Variants in RGPD8 observed in about 807,000 individuals in gnomAD.
The protein encoded by RGPD8 is RANBP2 like and GRIP domain containing 8, also known as RANBP2-like and GRIP domain-containing protein 8.
RGPD8 carries 15 observed loss-of-function variants against 89.1 expected under a neutral mutation model. The observed-to-expected ratio is 0.17, with a 90% CI of 0.11 to 0.26. The LOEUF (loss-of-function observed/expected upper bound fraction) is 0.26, where lower values mean the gene tolerates loss of function less well. Ranked by LOEUF, RGPD8 falls within the 10% of genes least tolerant of loss-of-function variation. The pLI is 1.00. For missense variants in RGPD8, 178 were observed against 1,179.6 expected, an observed-to-expected ratio of 0.15 and a Z score of 12.44; for synonymous variants, 62 against 420.9, an observed-to-expected ratio of 0.15 and a Z score of 10.44.
At chr2:112,431,517 A>C (rs1287935739) in intron 1 of RGPD8, among the ~76,000 whole-genome samples, 2 of 152,214 alleles carry the variant, frequency 1.3e-5, no homozygotes, top group Non-Finnish European at 2.9e-5. Flanking sequence ...CAAGTATCTT[A>C]AATCTCTACA....
intron 1 of RGPD8, among the ~76,000 whole-genome samples, chr2:112,430,826 G>A (rs1432157816): frequency 3.3e-5 from 5 of 151,930 alleles, no homozygotes; most frequent in Admixed American, 6.6e-5. Flanking sequence ...GCATGGTGGC[G>A]CATGCCTGTA....
In RGPD8 at chr2:112,413,673, C is replaced by T. The variant is rs1679271899; in HGVS notation, c.783-1047G>A. On this transcript the variant is annotated intron_variant, in intron 6 of 22. Transcript: ENST00000302558. ...CCAAAAAAAATTTATATATTACATA[C>T]TCATTTTCTCATGTATGTAGAGCTG... Among the ~76,000 whole-genome samples, 3 of 135,564 alleles carry T rather than the reference C, an allele frequency of 2.2e-5. 1 individual carries two copies. Among genetic ancestry groups the T allele is most frequent in the Admixed American group, 2.2e-4 (3 of 13,848 alleles). 88.9% of individuals were successfully genotyped at this position (135,564 alleles called of 152,430 possible).
intron 21 of RGPD8, among the ~76,000 whole-genome samples, chr2:112,379,604 ACAAG>A (rs1678212874): frequency 1.7e-5 from 2 of 117,298 alleles, no homozygotes; most frequent in South Asian, 3.3e-4. Flanking sequence ...AAAAAAAAAA[ACAAG>A]AAAATATAAC....
intron 1 of RGPD8, chr2:112,432,744 C>A: frequency 1.0e-6 from 1 of 985,288 alleles, no homozygotes; most frequent in Non-Finnish European, 1.2e-6. Context: ...CCAGGGCGAG[C>A]CCACGAGCGA....
At chr2:112,429,368 A>T (rs547222459) in intron 1 of RGPD8, among the ~76,000 whole-genome samples, 1 of 137,886 alleles carries the variant, frequency 7.3e-6, no homozygotes, top group African/African-American at 2.6e-5. Flanking sequence ...GTGAGCCGAG[A>T]TCGCGACACT....
rs376130503 is a variant in RGPD8 at position 112,377,322 on chromosome 2, G to A, written c.5263+731C>T. Among the ~76,000 whole-genome samples, 152 of 93,794 alleles carry A rather than the reference G, an allele frequency of 1.6e-3. 2 individuals are homozygous for A. The East Asian group carries it at 0.017, about 11-fold the overall frequency. 61.5% of individuals were successfully genotyped at this position (93,794 alleles called of 152,430 possible). A position where few individuals can be genotyped will look rare whatever the true frequency, so the allele number is the denominator to read the frequency against. The stretch of plus-strand genomic sequence containing the variant: ...TTTTGAGATGGAGTCTCGCTCTGCC[G>A]TCAGGCTGGAGTACAGTGGCGTGAC... On this transcript the variant is annotated intron_variant, in intron 22 of 22. Coordinates refer to ENST00000302558, the MANE Select transcript of RGPD8 (RefSeq NM_001164463.1).
chr2:112,415,336 G>A (rs1451404903), intron 6 of RGPD8, among the ~76,000 whole-genome samples: 5 of 152,112 alleles, frequency 3.3e-5, no homozygotes, highest in African/African-American at 1.2e-4. Context: ...GGGTAACAAA[G>A]GGCCCATGAG....
At chr2:112,424,696 A>T (rs1679691547) in intron 1 of RGPD8, among the ~76,000 whole-genome samples, 1 of 151,922 alleles carries the variant, frequency 6.6e-6, no homozygotes, top group African/African-American at 2.4e-5. Flanking sequence ...AGATCGTGCC[A>T]TTGCACTCCA....
chr2:112,399,876 C>T, intron 13 of RGPD8, 107 bp from the exon 14 acceptor site: 3 of 1,055,120 alleles, frequency 2.8e-6, no homozygotes, highest in Non-Finnish European at 2.6e-6. Context: ...CATCTCATTA[C>T]TCTTCTCTGT....
intron 20 of RGPD8, 89 bp from the exon 21 acceptor site, chr2:112,381,052 T>C: frequency 4.4e-6 from 2 of 453,736 alleles, no homozygotes; most frequent in South Asian, 4.7e-5. Flanking sequence ...ATAAATATCT[T>C]ACTATGTGAT....
intron 4 of RGPD8, among the ~76,000 whole-genome samples, chr2:112,419,433 TAA>T (rs1679488615): frequency 7.9e-6 from 1 of 127,042 alleles, no homozygotes; most frequent in Non-Finnish European, 1.6e-5. Context: ...TGAGTGCTTT[TAA>T]AAAGTTCTAT....
chr2:112,427,397 A>G lies in RGPD8; in HGVS notation c.73-3090T>C, dbSNP rs905231562. On this transcript the variant is annotated intron_variant, in intron 1 of 22. Coordinates refer to ENST00000302558, the MANE Select transcript of RGPD8 (RefSeq NM_001164463.1). ...ATACAGCTAGAAAGGAGCACAGCCC[A>G]TGTTATGTAAACAGGACAATATCTG... 1.9e-4 allele frequency among the ~76,000 whole-genome samples: 29 copies of G among 152,238 alleles called. 1 individual carries two copies. The highest frequency in any genetic ancestry group is 6.5e-4 in the Admixed American group (10 of 15,284).
intron 22 of RGPD8, among the ~76,000 whole-genome samples, chr2:112,373,462 A>C (rs1286764970): frequency 6.6e-6 from 1 of 152,290 alleles, no homozygotes; most frequent in Non-Finnish European, 1.5e-5. Flanking sequence ...TGTTTCCCAA[A>C]TACACCCAAA....
chr2:112,419,595 A>G (rs1479526118), intron 4 of RGPD8, among the ~76,000 whole-genome samples: 1 of 152,292 alleles, frequency 6.6e-6, no homozygotes, highest in Admixed American at 6.5e-5. Flanking sequence ...TTCAATTCCA[A>G]AAAAAAAAAA....
At chr2:112,390,285 T>C in intron 19 of RGPD8, 38 bp from the exon 20 acceptor site, 1 of 1,378,074 alleles carries the variant, frequency 7.3e-7, no homozygotes. Context: ...TTGATCCACA[T>C]GCCCAAAATA....
At position 112,389,251 on chromosome 2, in the gene RGPD8, C is replaced by G; in HGVS notation, c.3694G>C (p.Asp1232His). ...GSGTGVAGASDTTIKPNAENT... is the reference protein window; with the variant it reads ...GSGTGVAGASHTTIKPNAENT... ...TCAGCATTGGGTTTTATTGTTGTGT[C>G]TGAGGCACCGGCCACACCTGTACCT... The change falls in exon 20 of 23, where the codon GAC becomes CAC. Residue 1232 changes from aspartate to histidine, a missense_variant. Coordinates refer to ENST00000302558, the MANE Select transcript of RGPD8 (RefSeq NM_001164463.1). The G allele has an allele frequency of 6.4e-7, 1 of 1,570,986 alleles. No individual in the cohort carries two copies. Among genetic ancestry groups the G allele is most frequent in the Non-Finnish European group, 8.7e-7 (1 of 1,150,088 alleles).
intron 7 of RGPD8, among the ~76,000 whole-genome samples, chr2:112,409,805 C>G (rs1679094609): frequency 1.4e-5 from 2 of 144,154 alleles, no homozygotes; most frequent in Admixed American, 1.4e-4. Flanking sequence ...CTCTGCCTCC[C>G]AAAACTACAT....
chr2:112,415,239 G>A (rs1233697949), intron 6 of RGPD8, among the ~76,000 whole-genome samples: 2 of 152,276 alleles, frequency 1.3e-5, no homozygotes, highest in Non-Finnish European at 2.9e-5. Flanking sequence ...AAAAAAATTA[G>A]CCGAGCGTGG....
intron 1 of RGPD8, among the ~76,000 whole-genome samples, chr2:112,424,697 T>C (rs1268843927): frequency 2.0e-5 from 3 of 151,890 alleles, no homozygotes; most frequent in Non-Finnish European, 1.5e-5. Flanking sequence ...GATCGTGCCA[T>C]TGCACTCCAG....
Sources: allele counts gnomAD v4.1 joint callset (sites outside exome capture counted in the v4.1 genomes callset), GRCh38; gene constraint gnomAD v4.1.1; transcripts MANE v1.5; gene names NCBI Gene and HGNC (gene_info 2026-07-23, HGNC 2026-07-21).